LTBP1: variants seen among roughly 807,000 people sequenced by gnomAD.
LTBP1 encodes the protein latent-transforming growth factor beta-binding protein 1.
A neutral mutation model predicts 207.6 loss-of-function variants in LTBP1; 129 were observed. The ratio of observed to expected loss-of-function variants is 0.62; its 90% CI spans 0.54 to 0.72. The LOEUF is 0.72. LTBP1 is among the 30% of genes least tolerant of loss of function. The pLI, the probability that LTBP1 is intolerant of heterozygous loss-of-function variation, is 0.00. For missense variants in LTBP1, 2,281 were observed against 2,217.2 expected (o/e 1.03, Z -0.58); for synonymous variants, 963 against 833.7 (o/e 1.16, Z -2.67).
intron 2 of LTBP1, among the ~76,000 whole-genome samples, chr2:32,959,595 G>GTGTATATATATA (rs1232230150): frequency 2.3e-5 from 1 of 43,206 alleles, no homozygotes; most frequent in African/African-American, 5.6e-5. Flanking sequence ...ATATATGTAC[G>GTGTATATATATA]TGTATATATA....
chr2:33,194,127 C>T (rs531082755), intron 7 of LTBP1, among the ~76,000 whole-genome samples: 1 of 152,254 alleles, frequency 6.6e-6, no homozygotes, highest in African/African-American at 2.4e-5. Flanking sequence ...ACTGAGACAA[C>T]AGGCGCCCGC....
In LTBP1 at chr2:33,301,622, T is replaced by C; in HGVS notation, c.3459T>C (p.Ser1153=). ...TGTGTGACCAGGGTTACAGAGCATC[T>C]GGGCTTGGAGACCACTGTGAAGGTA... ...QCVCDQGYRA[S]GLGDHCEDIN... Residue 1153 remains serine, a synonymous_variant, in exon 22 of 34, where the codon TCT becomes TCC. Coordinates refer to ENST00000404816, the MANE Select transcript of LTBP1 (RefSeq NM_206943.4). 1 of 1,608,702 alleles carries C rather than the reference T, an allele frequency of 6.2e-7. No homozygotes were observed. Among genetic ancestry groups the C allele is most frequent in the Non-Finnish European group, 8.5e-7 (1 of 1,178,002 alleles).
At chr2:33,022,168 T>A (rs1172152734) in intron 3 of LTBP1, among the ~76,000 whole-genome samples, 1 of 152,080 alleles carries the variant, frequency 6.6e-6, no homozygotes, top group Non-Finnish European at 1.5e-5. Context: ...TTGCTATAGA[T>A]GAAATTATCC....
At chr2:33,266,503 G>A (rs917410433) in intron 15 of LTBP1, among the ~76,000 whole-genome samples, 5 of 152,266 alleles carry the variant, frequency 3.3e-5, no homozygotes, top group East Asian at 1.9e-4. Context: ...TGTAGTCCAC[G>A]GTCCAGAGTG....
rs137884204 is a variant in LTBP1, at chr2:33,041,946, C to T, written c.863+20740C>T. Among the ~76,000 whole-genome samples, 28 of 152,190 alleles carry T rather than the reference C, an allele frequency of 1.8e-4. No homozygotes were observed. The East Asian group carries it at 5.2e-3, about 28-fold the overall frequency. The stretch of plus-strand genomic sequence containing the variant: ...AAACTGTTTGCTATAGTGACTATAC[C>T]ATTTTGTTTCCTTACCAGCCGTGTA... On this transcript the variant is annotated intron_variant, in intron 3 of 33. Coordinates refer to ENST00000404816, the MANE Select transcript of LTBP1 (RefSeq NM_206943.4).
At chr2:33,314,866 A>G in intron 23 of LTBP1, among the ~76,000 whole-genome samples, 1 of 152,182 alleles carries the variant, frequency 6.6e-6, no homozygotes, top group Non-Finnish European at 1.5e-5. Context: ...CTCAAGCCCC[A>G]TATGTCTAAA....
chr2:33,049,248 A>T (rs1286261078), intron 3 of LTBP1, among the ~76,000 whole-genome samples: 2 of 152,204 alleles, frequency 1.3e-5, no homozygotes, highest in African/African-American at 2.4e-5. Flanking sequence ...ACCCAATAAA[A>T]ATTTGTCAAA....
intron 11 of LTBP1, among the ~76,000 whole-genome samples, chr2:33,254,575 TTTG>T (rs762163283): frequency 2.5e-4 from 33 of 134,566 alleles, no homozygotes; most frequent in African/African-American, 3.1e-4. Context: ...TTTTAGGGAG[TTTG>T]TTGTTGTTTT....
At chr2:32,956,448 C>G (rs1234304565) in intron 2 of LTBP1, among the ~76,000 whole-genome samples, 1 of 152,184 alleles carries the variant, frequency 6.6e-6, no homozygotes, top group Non-Finnish European at 1.5e-5. Flanking sequence ...AAGAAACCAC[C>G]TTCTTTGCTC....
intron 24 of LTBP1, among the ~76,000 whole-genome samples, chr2:33,325,415 G>A (rs2094414066): frequency 1.3e-5 from 2 of 152,180 alleles, no homozygotes; most frequent in Non-Finnish European, 2.9e-5. Context: ...GATATGTTTG[G>A]CCTGTCTGTA....
chr2:33,094,805 G>T (rs2079302382), intron 3 of LTBP1, among the ~76,000 whole-genome samples: 1 of 152,102 alleles, frequency 6.6e-6, no homozygotes. Context: ...AAACCCAATG[G>T]CTTTCTGAGC....
chr2:33,045,090 T>C (rs955378422), intron 3 of LTBP1, among the ~76,000 whole-genome samples: 5 of 152,232 alleles, frequency 3.3e-5, no homozygotes, highest in Admixed American at 6.5e-5. Context: ...GATAGTTTCT[T>C]TTGCTGTGCA....
intron 7 of LTBP1, among the ~76,000 whole-genome samples, chr2:33,194,254 G>A (rs2088277935): frequency 6.6e-6 from 1 of 151,624 alleles, no homozygotes; most frequent in Non-Finnish European, 1.5e-5. Context: ...CAAAGTGCTG[G>A]GGTTACAGAC....
rs556426566 is a variant in LTBP1, at chr2:33,372,971, A to G, written c.4711+7468A>G. ...CAAAATCCGTTGATCTGCAAATGAA[A>G]GAAAATTATACATATTTGAACATTT... On this transcript the variant is annotated intron_variant, in intron 31 of 33. Transcript: ENST00000404816. Among the ~76,000 whole-genome samples the G allele has an allele frequency of 4.6e-5, 7 of 152,368 alleles. No homozygotes were observed. In the East Asian group the frequency reaches 9.6e-4, roughly 21 times the overall value.
intron 3 of LTBP1, among the ~76,000 whole-genome samples, chr2:33,102,822 G>T (rs947258969): frequency 6.6e-6 from 1 of 151,984 alleles, no homozygotes. Flanking sequence ...TAAGCTGTAC[G>T]CATTGTCTGT....
intron 5 of LTBP1, among the ~76,000 whole-genome samples, chr2:33,143,735 G>A (rs987034868): frequency 6.6e-6 from 1 of 151,542 alleles, no homozygotes. Flanking sequence ...AGTCTTTTAC[G>A]GAAGAACCTT....
chr2:33,093,243 A>G (rs2079201801), intron 3 of LTBP1, among the ~76,000 whole-genome samples: 1 of 152,250 alleles, frequency 6.6e-6, no homozygotes, highest in Admixed American at 6.5e-5. Context: ...AGTGAGTAAA[A>G]TAAAATATTT....
At position 33,134,971 on chromosome 2, in the gene LTBP1, C is replaced by A; in HGVS notation, c.1201+11C>A. On this transcript the variant is annotated intron_variant, in intron 5 of 33. Transcript: ENST00000404816. The surrounding 1 kb of genome is among the most constrained non-coding windows in gnomAD (Gnocchi z 4.4). ...CGAACTTCCGAGTGGGTGAGTTCCTCCACGGTCCCTAACTGTCCTTACTGA... is the reference window on the plus strand; with the variant it reads ...CGAACTTCCGAGTGGGTGAGTTCCTACACGGTCCCTAACTGTCCTTACTGA... 1 of 1,602,002 alleles carries A rather than the reference C, an allele frequency of 6.2e-7. No homozygotes were observed. The highest frequency in any genetic ancestry group is 1.1e-5 in the South Asian group (1 of 88,880).
chr2:33,339,158 G>A (rs1299772129), intron 24 of LTBP1, among the ~76,000 whole-genome samples: 1 of 151,862 alleles, frequency 6.6e-6, no homozygotes, highest in Non-Finnish European at 1.5e-5. Context: ...AAAGTGAAGG[G>A]TGATATTAAG....
Sources: allele counts gnomAD v4.1 joint callset (sites outside exome capture counted in the v4.1 genomes callset), GRCh38; gene constraint gnomAD v4.1.1; non-coding constraint Gnocchi (gnomAD v3.1); transcripts MANE v1.5; gene names NCBI Gene and HGNC (gene_info 2026-07-23, HGNC 2026-07-21).